The following RBFOX1 variants were observed in gnomAD, a reference collection of about 807,000 sequenced individuals.
RBFOX1 encodes RNA binding protein fox-1 homolog 1.
Under a neutral mutation model 57.7 loss-of-function variants are expected in RBFOX1, and 8 were observed. The observed-to-expected ratio is 0.14, with a 90% CI of 0.08 to 0.25. The LOEUF (loss-of-function observed/expected upper bound fraction) is 0.25, where lower values mean the gene tolerates loss of function less well. Ranked by LOEUF, RBFOX1 falls within the 10% of genes least tolerant of loss-of-function variation. The pLI is 1.00. For missense variants in RBFOX1, 611 were observed against 548.5 expected, an observed-to-expected ratio of 1.11 and a Z score of -1.14; for synonymous variants, 326 against 222.4, an observed-to-expected ratio of 1.47 and a Z score of -4.15.
chr16:7,139,106 C>G (rs916965267), intron 4 of RBFOX1, among the ~76,000 whole-genome samples: 4 of 151,776 alleles, frequency 2.6e-5, no homozygotes, highest in Non-Finnish European at 4.4e-5. Context: ...GCATGGTCAA[C>G]TTACAGATTT....
chr16:6,303,050 T>C (rs1313507927), intron 1 of RBFOX1, among the ~76,000 whole-genome samples: 4 of 152,174 alleles, frequency 2.6e-5, no homozygotes, highest in Admixed American at 2.6e-4. Context: ...AGGTTCTTAT[T>C]CTTAAAGATA....
chr16:7,491,989 T>C (rs978486277), intron 4 of RBFOX1, among the ~76,000 whole-genome samples: 1 of 152,220 alleles, frequency 6.6e-6, no homozygotes, highest in Non-Finnish European at 1.5e-5. Flanking sequence ...ACGCCTAGGC[T>C]GATAACACTC....
intron 1 of RBFOX1, among the ~76,000 whole-genome samples, chr16:6,112,458 A>C (rs773417443): frequency 2.6e-5 from 4 of 152,210 alleles, no homozygotes; most frequent in Admixed American, 6.5e-5. Context: ...TGGGAGGCCA[A>C]GATGGGCGGA....
At chr16:6,538,260 C>T (rs1224596071) in intron 2 of RBFOX1, among the ~76,000 whole-genome samples, 2 of 152,090 alleles carry the variant, frequency 1.3e-5, no homozygotes. Context: ...GAGGCCAAGG[C>T]AGGAAGAGTC....
chr16:6,835,935 A>G (rs973948086), intron 3 of RBFOX1, among the ~76,000 whole-genome samples: 1 of 152,052 alleles, frequency 6.6e-6, no homozygotes, highest in Non-Finnish European at 1.5e-5. Flanking sequence ...CTAAAATGAT[A>G]AAGAGCAGCA....
intron 3 of RBFOX1, among the ~76,000 whole-genome samples, chr16:7,014,727 A>C (rs1314310747): frequency 6.6e-6 from 1 of 151,542 alleles, no homozygotes; most frequent in Non-Finnish European, 1.5e-5. Context: ...CAAGTTCTTT[A>C]CCAGGTTGTT....
At chr16:6,750,072 A>T (rs73545615) in intron 3 of RBFOX1, among the ~76,000 whole-genome samples, 13,662 of 152,190 alleles carry the variant, frequency 0.09, 758 homozygotes, top group East Asian at 0.16. Context: ...TAACATTAAG[A>T]TTTCAGTCGA....
intron 4 of RBFOX1, among the ~76,000 whole-genome samples, chr16:7,288,506 C>G (rs2095694913): frequency 6.6e-6 from 1 of 152,148 alleles, no homozygotes; most frequent in Non-Finnish European, 1.5e-5. Flanking sequence ...AAACCCTTGG[C>G]ATAGTGTCTA....
intron 4 of RBFOX1, among the ~76,000 whole-genome samples, chr16:7,478,250 A>G (rs750328526): frequency 9.2e-5 from 14 of 152,236 alleles, no homozygotes; most frequent in Non-Finnish European, 1.8e-4. Flanking sequence ...TTCTGACAGA[A>G]CTATCATTGC....
chr16:5,355,757 G>T (rs997043444), intron 1 of RBFOX1, among the ~76,000 whole-genome samples: 51 of 152,108 alleles, frequency 3.4e-4, no homozygotes, highest in Non-Finnish European at 4.0e-4. Context: ...GATGGTCCTG[G>T]ATTTAGGGTA....
chr16:5,912,768 A>C (rs1357361702), intron 4 of RBFOX1, among the ~76,000 whole-genome samples: 1 of 152,210 alleles, frequency 6.6e-6, no homozygotes, highest in Admixed American at 6.5e-5. Flanking sequence ...AATTACAGTG[A>C]AATAATTAGA....
At chr16:6,929,173 G>C (rs1360826464) in intron 3 of RBFOX1, among the ~76,000 whole-genome samples, 1 of 152,086 alleles carries the variant, frequency 6.6e-6, no homozygotes, top group Non-Finnish European at 1.5e-5. Context: ...ACTACCTTCA[G>C]AGCAAACACA....
intron 1 of RBFOX1, among the ~76,000 whole-genome samples, chr16:5,295,228 C>A (rs1468770501): frequency 1.3e-5 from 2 of 152,040 alleles, no homozygotes; most frequent in Non-Finnish European, 2.9e-5. Flanking sequence ...AACTGTCTCC[C>A]AGGACAGGTC....
intron 3 of RBFOX1, among the ~76,000 whole-genome samples, chr16:6,904,286 G>C (rs190571816): frequency 2.0e-5 from 3 of 152,094 alleles, no homozygotes; most frequent in African/African-American, 4.8e-5. Context: ...TGTGAGGCAC[G>C]AGTGGTAGGC....
chr16:5,275,691 A>C (rs1054114715), intron 1 of RBFOX1, among the ~76,000 whole-genome samples: 2 of 152,216 alleles, frequency 1.3e-5, no homozygotes, highest in Non-Finnish European at 2.9e-5. Context: ...AACAATGCCA[A>C]AATTCATCTG....
chr16:6,816,468 G>A (rs1299972477), intron 3 of RBFOX1, among the ~76,000 whole-genome samples: 1 of 150,424 alleles, frequency 6.6e-6, no homozygotes, highest in African/African-American at 2.4e-5. Flanking sequence ...TTGGCCGGGT[G>A]TGGTGGCTTA....
intron 4 of RBFOX1, among the ~76,000 whole-genome samples, chr16:5,952,493 C>T (rs1325421315): frequency 1.3e-5 from 2 of 151,966 alleles, no homozygotes; most frequent in African/African-American, 4.8e-5. Flanking sequence ...CACTATGTTG[C>T]CCAGGCTGGT....
rs947121314 is a variant in RBFOX1 at position 7,580,210 on chromosome 16, G to C, written c.414+290G>C. Reference sequence around the variant, plus strand: ...CCTAGATGACCCACTGTTGAAGGAAGCCTATTGATGGTCCTAAATCCAATG... The same window carrying C: ...CCTAGATGACCCACTGTTGAAGGAACCCTATTGATGGTCCTAAATCCAATG... On this transcript the variant is annotated intron_variant, in intron 6 of 15. Coordinates refer to ENST00000550418, the MANE Select transcript of RBFOX1 (RefSeq NM_018723.4). Among the ~76,000 whole-genome samples, 4 of 152,092 alleles carry C rather than the reference G, an allele frequency of 2.6e-5. No homozygotes were observed. In the South Asian group the frequency reaches 8.3e-4, roughly 32 times the overall value.
intron 1 of RBFOX1, among the ~76,000 whole-genome samples, chr16:6,144,537 A>G (rs571229681): frequency 6.6e-6 from 1 of 152,358 alleles, no homozygotes; most frequent in African/African-American, 2.4e-5. Context: ...TAACTAAGTG[A>G]AACATGCATT....
Sources: gnomAD v4.1 joint callset for allele counts (sites outside exome capture counted in the v4.1 genomes callset) on GRCh38, gnomAD v4.1.1 for gene constraint, MANE v1.5 for transcripts, NCBI Gene and HGNC (gene_info 2026-07-23, HGNC 2026-07-21) for gene names.